The following BABAM2 variants were observed in gnomAD, a reference collection of about 807,000 sequenced individuals.
The protein encoded by BABAM2 is BRISC and BRCA1 A complex member 2, also known as BRISC and BRCA1-A complex member 2.
Under a neutral mutation model 54.7 loss-of-function variants are expected in BABAM2, and 31 were observed. The observed-to-expected ratio is 0.57, with a 90% confidence interval of 0.43 to 0.77. BABAM2 has a LOEUF of 0.77. Among genes scored for constraint, BABAM2 ranks in the 30% least tolerant of loss-of-function variants. The probability of loss-of-function intolerance (pLI) is 0.00; values close to 1 mark genes in which losing one functional copy is unlikely to be tolerated. For synonymous variants in BABAM2, 167 were observed against 162.9 expected (o/e 1.03, Z -0.19); for missense variants, 364 against 455.8 (o/e 0.80, Z 1.83).
At chr2:27,928,639 T>C (rs776742392) in intron 2 of BABAM2, among the ~76,000 whole-genome samples, 4 of 152,198 alleles carry the variant, frequency 2.6e-5, no homozygotes, top group Non-Finnish European at 4.4e-5. Context: ...AAATTACTTT[T>C]ATAGGTTCTT....
intron 10 of BABAM2, among the ~76,000 whole-genome samples, chr2:28,287,119 T>A (rs1686889655): frequency 6.6e-6 from 1 of 152,212 alleles, no homozygotes; most frequent in Non-Finnish European, 1.5e-5. Flanking sequence ...TCATTTGTCC[T>A]TTTTCTTCTA....
At chr2:27,937,490 G>A (rs929870112) in intron 3 of BABAM2, among the ~76,000 whole-genome samples, 1 of 152,164 alleles carries the variant, frequency 6.6e-6, no homozygotes, top group Non-Finnish European at 1.5e-5. Context: ...CACGGATAGA[G>A]AGCTGACTGT....
chr2:28,305,369 C>T (rs559560375), intron 11 of BABAM2, among the ~76,000 whole-genome samples: 1 of 152,146 alleles, frequency 6.6e-6, no homozygotes, highest in South Asian at 2.1e-4. Context: ...GTTGAACCAA[C>T]CTTGCATTCC....
chr2:28,104,043 A>C (rs1184570982), intron 6 of BABAM2, among the ~76,000 whole-genome samples: 1 of 152,228 alleles, frequency 6.6e-6, no homozygotes, highest in Non-Finnish European at 1.5e-5. Context: ...TAATTAATTC[A>C]AGATGGATTA....
intron 3 of BABAM2, among the ~76,000 whole-genome samples, chr2:27,935,902 T>C (rs1450938494): frequency 2.6e-5 from 4 of 152,152 alleles, no homozygotes; most frequent in Non-Finnish European, 4.4e-5. Context: ...TATTTTATTC[T>C]TATTTGTATT....
chr2:28,210,562 A>T (rs866695132), intron 7 of BABAM2, among the ~76,000 whole-genome samples: 12 of 152,364 alleles, frequency 7.9e-5, no homozygotes, highest in South Asian at 6.2e-4. Context: ...CAAGAGAAAG[A>T]TGCCAAAAGC....
At chr2:28,244,977 GTA>G in intron 10 of BABAM2, 115 bp downstream of exon 10, 20 of 741,940 alleles carry the variant, frequency 2.7e-5, no homozygotes, top group Non-Finnish European at 4.0e-5. Flanking sequence ...TTACTGTAGC[GTA>G]TATATATATT....
intron 11 of BABAM2, among the ~76,000 whole-genome samples, chr2:28,305,243 A>G (rs1409843628): frequency 3.3e-5 from 5 of 151,896 alleles, no homozygotes; most frequent in African/African-American, 1.2e-4. Context: ...TTCTTTTTTT[A>G]TCATGAATGG....
rs1010546443 is a variant in BABAM2, at chr2:27,890,825, G to A, written c.-42G>A. On this transcript the variant is annotated 5_prime_UTR_variant, in exon 1 of 12. Transcript: ENST00000379624. This position sits in a 1 kb window ranked among gnomAD's most constrained non-coding sequence, Gnocchi z 4.8. ...GTACCCCACGTAGTCGCCGGTTACC[G>A]ATCGGACTAAGTTCCAGGTACCTGG... The A allele has an allele frequency of 1.3e-5, 2 of 152,580 alleles. No individual in the cohort carries two copies. Among genetic ancestry groups the A allele is most frequent in the African/African-American group, 4.8e-5 (2 of 41,436 alleles). The allele number at this position is 152,580 out of a possible 1,614,324, so 9.5% of individuals were successfully genotyped here. A position where few individuals can be genotyped will look rare whatever the true frequency, so the allele number is the denominator to read the frequency against.
chr2:28,191,013 A>G (rs1448485769), intron 7 of BABAM2, among the ~76,000 whole-genome samples: 1 of 152,244 alleles, frequency 6.6e-6, no homozygotes, highest in Non-Finnish European at 1.5e-5. Context: ...TTACAAAATA[A>G]AACAGCCAGC....
chr2:28,182,342 CAA>C (rs1675733571), intron 7 of BABAM2, among the ~76,000 whole-genome samples: 1 of 152,080 alleles, frequency 6.6e-6, no homozygotes, highest in Non-Finnish European at 1.5e-5. Context: ...TCCAAGATGC[CAA>C]AAAGAGTTGG....
chr2:28,225,891 G>A (rs1003425314), intron 7 of BABAM2, among the ~76,000 whole-genome samples: 2 of 151,892 alleles, frequency 1.3e-5, no homozygotes, highest in African/African-American at 4.8e-5. Flanking sequence ...GGGGGGTGGG[G>A]TTTGCCTATA....
chr2:28,126,012 A>C (rs188713807), intron 6 of BABAM2, among the ~76,000 whole-genome samples: 174 of 152,326 alleles, frequency 1.1e-3, no homozygotes, highest in African/African-American at 3.8e-3. Flanking sequence ...ACCTACACAC[A>C]CAGTTAATAT....
Position 28,322,905 on chromosome 2 carries a change from G to T in BABAM2, c.1089-15545G>T, listed in dbSNP as rs1690142003. On this transcript the variant is annotated intron_variant, in intron 11 of 11. Coordinates refer to ENST00000379624, the MANE Select transcript of BABAM2 (RefSeq NM_199191.3). The surrounding 1 kb of genome is among the most constrained non-coding windows in gnomAD (Gnocchi z 4.1). ...AATTATCATTATTGTCATTAAAGGG[G>T]CTAGACGTCTGGCCTGCTGGATAAT... 6.6e-6 allele frequency among the ~76,000 whole-genome samples: 1 copy of T among 152,228 alleles called. No homozygotes were observed. Among genetic ancestry groups the T allele is most frequent in the African/African-American group, 2.4e-5 (1 of 41,456 alleles).
intron 7 of BABAM2, among the ~76,000 whole-genome samples, chr2:28,169,928 A>C (rs1674134616): frequency 6.6e-6 from 1 of 152,176 alleles, no homozygotes; most frequent in African/African-American, 2.4e-5. Flanking sequence ...GTCCCAGTAT[A>C]GTTTTAAGCT....
chr2:28,115,635 T>C (rs1207128656), intron 6 of BABAM2, among the ~76,000 whole-genome samples: 1 of 150,396 alleles, frequency 6.6e-6, no homozygotes, highest in South Asian at 2.1e-4. Flanking sequence ...AAAAAATAAA[T>C]AAATAAAAAT....
At chr2:27,991,042 T>A (rs1226321960) in intron 4 of BABAM2, among the ~76,000 whole-genome samples, 2 of 151,954 alleles carry the variant, frequency 1.3e-5, no homozygotes, top group Non-Finnish European at 2.9e-5. Context: ...GATAGAGAGG[T>A]ATCTCATAGA....
chr2:28,329,029 A>G lies in BABAM2; in HGVS notation c.1089-9421A>G, dbSNP rs1572429035. ...CCAGTAGGAAAGAACCCTTTAGATG[A>G]GACTTCGTTGAACAAAGTTTCCTAC... On this transcript the variant is annotated intron_variant, in intron 11 of 11. Coordinates refer to ENST00000379624, the MANE Select transcript of BABAM2 (RefSeq NM_199191.3). This position sits in a 1 kb window ranked among gnomAD's most constrained non-coding sequence, Gnocchi z 4.2. Among the ~76,000 whole-genome samples the G allele has an allele frequency of 1.3e-5, 2 of 152,240 alleles. No homozygotes were observed. Among genetic ancestry groups the G allele is most frequent in the East Asian group, 3.8e-4 (2 of 5,196 alleles).
At chr2:28,298,603 A>T in intron 11 of BABAM2, 112 bp downstream of exon 11, 1 of 1,328,532 alleles carries the variant, frequency 7.5e-7, no homozygotes, top group South Asian at 1.5e-5. Context: ...TGTTTTTGTA[A>T]ATAAAGTTTT....
Sources: allele counts gnomAD v4.1 joint callset (sites outside exome capture counted in the v4.1 genomes callset), GRCh38; gene constraint gnomAD v4.1.1; non-coding constraint Gnocchi (gnomAD v3.1); transcripts MANE v1.5; gene names NCBI Gene and HGNC (gene_info 2026-07-23, HGNC 2026-07-21).